Variants in KIF26B observed in about 807,000 individuals in gnomAD.
KIF26B encodes kinesin-like protein KIF26B.
In KIF26B, 63 loss-of-function variants were observed where a neutral mutation model predicts 151.2. That is an observed-to-expected ratio of 0.42 (90% CI 0.34 to 0.51). The LOEUF (loss-of-function observed/expected upper bound fraction) is 0.51, where lower values mean the gene tolerates loss of function less well. Ranked by LOEUF, KIF26B falls within the 20% of genes least tolerant of loss-of-function variation. The pLI, the probability that KIF26B is intolerant of heterozygous loss-of-function variation, is 0.07. For missense variants in KIF26B, 2,813 were observed against 2,913.6 expected, an observed-to-expected ratio of 0.97 and a Z score of 0.79; for synonymous variants, 1,357 against 1,262.1, an observed-to-expected ratio of 1.08 and a Z score of -1.59.
At chr1:245,158,581 A>G (rs1265277312) in intron 2 of KIF26B, among the ~76,000 whole-genome samples, 1 of 152,246 alleles carries the variant, frequency 6.6e-6, no homozygotes, top group Non-Finnish European at 1.5e-5. Context: ...GAGTGATCCA[A>G]GGACATCTAG....
intron 5 of KIF26B, among the ~76,000 whole-genome samples, chr1:245,578,137 G>T (rs2043143636): frequency 6.6e-6 from 1 of 152,252 alleles, no homozygotes; most frequent in Non-Finnish European, 1.5e-5. Flanking sequence ...CAACTTCTGT[G>T]ATCTTCTACT....
chr1:245,354,425 AT>A, intron 2 of KIF26B, among the ~76,000 whole-genome samples: 1 of 152,302 alleles, frequency 6.6e-6, no homozygotes, highest in Admixed American at 6.5e-5. Flanking sequence ...CATGAACCAG[AT>A]CCACGGTTTC....
intron 3 of KIF26B, among the ~76,000 whole-genome samples, chr1:245,376,205 A>G (rs930925649): frequency 6.6e-6 from 1 of 152,236 alleles, no homozygotes; most frequent in Non-Finnish European, 1.5e-5. Context: ...TGCCCCAGCA[A>G]TAATTCTTAC....
At chr1:245,414,964 C>T (rs1383782730) in intron 3 of KIF26B, among the ~76,000 whole-genome samples, 6 of 152,190 alleles carry the variant, frequency 3.9e-5, no homozygotes, top group African/African-American at 1.4e-4. Flanking sequence ...GCCTGTGTTT[C>T]CAGCTCAACT....
chr1:245,379,691 C>T (rs916686463), intron 3 of KIF26B, among the ~76,000 whole-genome samples: 1 of 151,832 alleles, frequency 6.6e-6, no homozygotes, highest in Admixed American at 6.6e-5. Context: ...ATGTCCTCGG[C>T]TGGTCGCGGT....
rs1409698985 is a variant in KIF26B at position 245,170,162 on chromosome 1, A to C, written c.465+13479A>C. Among the ~76,000 whole-genome samples the C allele has an allele frequency of 6.6e-6, 1 of 152,194 alleles. No individual in the cohort carries two copies. Reference sequence around the variant, plus strand: ...CGGGATGGGAGATGATGCCTGGGTGAGTCCTGGAAAGTGCCGTGATGCCAT... The same window carrying C: ...CGGGATGGGAGATGATGCCTGGGTGCGTCCTGGAAAGTGCCGTGATGCCAT... On this transcript the variant is annotated intron_variant, in intron 2 of 14. Transcript: ENST00000407071. This position sits in a 1 kb window ranked among gnomAD's most constrained non-coding sequence, Gnocchi z 4.4.
intron 3 of KIF26B, among the ~76,000 whole-genome samples, chr1:245,394,731 C>A (rs1217209295): frequency 1.7e-5 from 2 of 119,344 alleles, no homozygotes; most frequent in Non-Finnish European, 3.2e-5. Flanking sequence ...ACTCTTGTTG[C>A]CCGGGCTAGA....
rs184936132 is a variant in KIF26B, at chr1:245,478,233, C to T, written c.1166+58488C>T. Among the ~76,000 whole-genome samples the T allele has an allele frequency of 7.2e-5, 11 of 151,886 alleles. No individual in the cohort carries two copies. In the East Asian group the frequency reaches 1.9e-3, roughly 27 times the overall value. On this transcript the variant is annotated intron_variant, in intron 4 of 14. Transcript: ENST00000407071. ...ATAGACCAGTTTTTGGTGATGCATT[C>T]ATCAGTGGATGGACATCTGGGTTTT...
intron 3 of KIF26B, among the ~76,000 whole-genome samples, chr1:245,406,742 A>G (rs979590738): frequency 6.6e-6 from 1 of 151,988 alleles, no homozygotes; most frequent in African/African-American, 2.4e-5. Flanking sequence ...AAAAATTCCA[A>G]GCTCTTTTCT....
chr1:245,700,944 C>T (rs1424476135), intron 14 of KIF26B, among the ~76,000 whole-genome samples: 1 of 152,222 alleles, frequency 6.6e-6, no homozygotes, highest in Non-Finnish European at 1.5e-5. Context: ...AGTTCTCTCT[C>T]CTTCATTTTT....
chr1:245,303,962 C>G (rs1277149535), intron 2 of KIF26B, among the ~76,000 whole-genome samples: 1 of 152,216 alleles, frequency 6.6e-6, no homozygotes, highest in African/African-American at 2.4e-5. Context: ...TGATACTTCT[C>G]GAGTTAATGA....
intron 5 of KIF26B, among the ~76,000 whole-genome samples, chr1:245,587,679 C>T (rs544255592): frequency 2.6e-5 from 4 of 152,302 alleles, no homozygotes; most frequent in African/African-American, 9.6e-5. Context: ...ACCTTGAAGG[C>T]AAGATCAGAC....
At chr1:245,293,578 C>CTT (rs138673467) in intron 2 of KIF26B, among the ~76,000 whole-genome samples, 4 of 139,422 alleles carry the variant, frequency 2.9e-5, no homozygotes, top group Non-Finnish European at 4.6e-5. Flanking sequence ...TCTTTCTTTC[C>CTT]TTTTTTTTTT....
intron 5 of KIF26B, among the ~76,000 whole-genome samples, chr1:245,562,298 C>CA (rs1027005481): frequency 6.6e-6 from 1 of 151,950 alleles, no homozygotes; most frequent in African/African-American, 2.4e-5. Flanking sequence ...GCAGACTCTT[C>CA]AAAAAAACAT....
At chr1:245,162,048 AC>A (rs1202157944) in intron 2 of KIF26B, among the ~76,000 whole-genome samples, 2 of 152,012 alleles carry the variant, frequency 1.3e-5, no homozygotes, top group African/African-American at 2.4e-5. Flanking sequence ...TGAACAGAAA[AC>A]CCTGCCCGAG....
At chr1:245,593,799 G>T (rs2043314073) in intron 5 of KIF26B, among the ~76,000 whole-genome samples, 1 of 152,212 alleles carries the variant, frequency 6.6e-6, no homozygotes, top group Non-Finnish European at 1.5e-5. Flanking sequence ...AAGTGTAAAA[G>T]CATTGCTATT....
At chr1:245,204,855 A>G (rs1433314033) in intron 2 of KIF26B, among the ~76,000 whole-genome samples, 1 of 152,058 alleles carries the variant, frequency 6.6e-6, no homozygotes, top group African/African-American at 2.4e-5. Flanking sequence ...ATCATAGCTC[A>G]CTGCAGCGTC....
intron 4 of KIF26B, among the ~76,000 whole-genome samples, chr1:245,487,909 C>T (rs1159015381): frequency 2.0e-5 from 3 of 152,060 alleles, no homozygotes; most frequent in Non-Finnish European, 4.4e-5. Flanking sequence ...CTGCCTCAGC[C>T]TCCTGAGAAG....
intron 5 of KIF26B, among the ~76,000 whole-genome samples, chr1:245,586,038 A>C (rs530812965): frequency 8.5e-5 from 13 of 152,302 alleles, no homozygotes; most frequent in Admixed American, 7.8e-4. Flanking sequence ...TCTGTGACCC[A>C]GGCTGGAATG....
Sources: gnomAD v4.1 joint callset for allele counts (sites outside exome capture counted in the v4.1 genomes callset) on GRCh38, gnomAD v4.1.1 for gene constraint, Gnocchi (gnomAD v3.1) non-coding constraint, MANE v1.5 for transcripts, NCBI Gene and HGNC (gene_info 2026-07-23, HGNC 2026-07-21) for gene names.